Variants in TMEM178B observed in about 807,000 individuals in gnomAD.
TMEM178B encodes the protein transmembrane protein 178B.
Under a neutral mutation model 31.0 loss-of-function variants are expected in TMEM178B, and 5 were observed. The ratio of observed to expected loss-of-function variants is 0.16; its 90% CI spans 0.08 to 0.34. The LOEUF (loss-of-function observed/expected upper bound fraction) is 0.34, where lower values mean the gene tolerates loss of function less well. Among genes scored for constraint, TMEM178B ranks in the 10% least tolerant of loss-of-function variants. The probability of loss-of-function intolerance (pLI) is 1.00; values close to 1 mark genes in which losing one functional copy is unlikely to be tolerated. For missense variants in TMEM178B, 275 were observed against 400.3 expected, an observed-to-expected ratio of 0.69 and a Z score of 2.67; for synonymous variants, 164 against 164.0, an observed-to-expected ratio of 1.00 and a Z score of 0.00.
At chr7:141,207,131 A>G (rs1426226482) in intron 1 of TMEM178B, among the ~76,000 whole-genome samples, 1 of 152,202 alleles carries the variant, frequency 6.6e-6, no homozygotes, top group Non-Finnish European at 1.5e-5. Context: ...TTAAAGACCG[A>G]TTATATGGCA....
At chr7:141,214,516 A>AT (rs1210972382) in intron 2 of TMEM178B, among the ~76,000 whole-genome samples, 3 of 152,190 alleles carry the variant, frequency 2.0e-5, no homozygotes, top group Admixed American at 6.5e-5. Flanking sequence ...TAATTTGGAA[A>AT]TTTTTTAGCA....
At chr7:141,347,209 G>A (rs116754487) in intron 2 of TMEM178B, among the ~76,000 whole-genome samples, 2 of 152,108 alleles carry the variant, frequency 1.3e-5, no homozygotes, top group South Asian at 2.1e-4. Context: ...GTGCGAGAAC[G>A]AGAACAGCCT....
intron 1 of TMEM178B, among the ~76,000 whole-genome samples, chr7:141,115,147 A>T (rs1795298078): frequency 6.6e-6 from 1 of 152,032 alleles, no homozygotes; most frequent in East Asian, 1.9e-4. Flanking sequence ...GGTTCAAGTG[A>T]TTCTCCTGCC....
chr7:141,239,509 A>G (rs975089189), intron 2 of TMEM178B, among the ~76,000 whole-genome samples: 1 of 152,058 alleles, frequency 6.6e-6, no homozygotes, highest in Non-Finnish European at 1.5e-5. Flanking sequence ...AAAGGGTCAT[A>G]CCTTAGGTGA....
intron 1 of TMEM178B, among the ~76,000 whole-genome samples, chr7:141,186,890 A>G (rs1223559554): frequency 2.0e-5 from 3 of 152,204 alleles, no homozygotes; most frequent in Non-Finnish European, 4.4e-5. Flanking sequence ...TGTGGATGGC[A>G]CAGAGCCTGT....
chr7:141,089,514 A>G (rs1033142160), intron 1 of TMEM178B, among the ~76,000 whole-genome samples: 3 of 152,232 alleles, frequency 2.0e-5, no homozygotes, highest in African/African-American at 7.2e-5. Context: ...TACTGGGTAT[A>G]TACCCAAAGG....
intron 1 of TMEM178B, among the ~76,000 whole-genome samples, chr7:141,174,142 G>A (rs1469621206): frequency 1.3e-5 from 2 of 152,026 alleles, no homozygotes; most frequent in Admixed American, 1.3e-4. Flanking sequence ...GCCCCAGTGT[G>A]TGACGTTCCC....
In TMEM178B at chr7:141,344,509, T is replaced by C. The variant is rs755102540; in HGVS notation, c.497-93099T>C. On this transcript the variant is annotated intron_variant, in intron 2 of 3. Transcript: ENST00000565468. This position sits in a 1 kb window ranked among gnomAD's most constrained non-coding sequence, Gnocchi z 4.1. ...TTTTACTTTGAAATTTTTAAAAATG[T>C]AATTTTAAGACTTTTTAAAGCTGGG... 1.1e-4 allele frequency among the ~76,000 whole-genome samples: 16 copies of C among 152,200 alleles called. No homozygotes were observed. The highest frequency in any genetic ancestry group is 1.9e-4 in the Non-Finnish European group (13 of 68,026).
At chr7:141,304,272 A>G (rs955112247) in intron 2 of TMEM178B, among the ~76,000 whole-genome samples, 2 of 152,094 alleles carry the variant, frequency 1.3e-5, no homozygotes, top group East Asian at 1.9e-4. Context: ...AGATGGAGGT[A>G]GAGGAGAATG....
chr7:141,294,077 A>C (rs1798590954), intron 2 of TMEM178B, among the ~76,000 whole-genome samples: 1 of 152,128 alleles, frequency 6.6e-6, no homozygotes, highest in Admixed American at 6.5e-5. Flanking sequence ...TTGAGTCCCA[A>C]GTTTGCCACT....
chr7:141,167,033 A>G (rs1261428937), intron 1 of TMEM178B, among the ~76,000 whole-genome samples: 1 of 152,214 alleles, frequency 6.6e-6, no homozygotes, highest in Non-Finnish European at 1.5e-5. Flanking sequence ...AATGTTAAAG[A>G]TCATAGCCAG....
chr7:141,423,105 T>G (rs1403325584), intron 2 of TMEM178B, among the ~76,000 whole-genome samples: 1 of 152,244 alleles, frequency 6.6e-6, no homozygotes, highest in African/African-American at 2.4e-5. Context: ...AGTGGCGTGA[T>G]CTCGGCTCAC....
At chr7:141,099,819 G>A (rs1442911537) in intron 1 of TMEM178B, among the ~76,000 whole-genome samples, 1 of 139,568 alleles carries the variant, frequency 7.2e-6, no homozygotes, top group Non-Finnish European at 1.5e-5. Context: ...TCTGTAAAAT[G>A]AAAACGGTGT....
At chr7:141,301,871 G>A (rs916540467) in intron 2 of TMEM178B, among the ~76,000 whole-genome samples, 3 of 152,172 alleles carry the variant, frequency 2.0e-5, no homozygotes, top group East Asian at 1.9e-4. Context: ...TGGAAATGAC[G>A]CAGTGAGCAC....
chr7:141,106,818 T>C (rs1323040587), intron 1 of TMEM178B, among the ~76,000 whole-genome samples: 1 of 152,254 alleles, frequency 6.6e-6, no homozygotes, highest in African/African-American at 2.4e-5. Context: ...ATTTCATATT[T>C]ATTGGGTGCT....
chr7:141,273,990 A>G (rs1002994051), intron 2 of TMEM178B, among the ~76,000 whole-genome samples: 2 of 152,238 alleles, frequency 1.3e-5, no homozygotes, highest in African/African-American at 2.4e-5. Context: ...CGGCAAACCA[A>G]CTGCTGCCTC....
At chr7:141,136,018 AAGG>A (rs1281952346) in intron 1 of TMEM178B, among the ~76,000 whole-genome samples, 11 of 152,280 alleles carry the variant, frequency 7.2e-5, no homozygotes, top group Middle Eastern at 3.4e-3. Context: ...AGAAATGAAA[AAGG>A]AGATGTCCTA....
intron 1 of TMEM178B, among the ~76,000 whole-genome samples, chr7:141,153,089 A>T (rs1015028773): frequency 6.6e-6 from 1 of 152,232 alleles, no homozygotes; most frequent in Non-Finnish European, 1.5e-5. Context: ...TGAAAGACAC[A>T]TGCTTTCGGT....
Position 141,192,111 on chromosome 7 carries a change from G to A in TMEM178B, c.383-20480G>A, listed in dbSNP as rs1796706510. ...ATCATTTCCCTTACTGATTTGAGAT[G>A]CCACTATTACTATATAGTAAATTCC... On this transcript the variant is annotated intron_variant, in intron 1 of 3. Transcript: ENST00000565468. 2.0e-5 allele frequency among the ~76,000 whole-genome samples: 3 copies of A among 152,274 alleles called. No individual in the cohort carries two copies. In the South Asian group the frequency reaches 6.2e-4, roughly 32 times the overall value.
Sources: allele counts gnomAD v4.1 joint callset (sites outside exome capture counted in the v4.1 genomes callset), GRCh38; gene constraint gnomAD v4.1.1; non-coding constraint Gnocchi (gnomAD v3.1); transcripts MANE v1.5; gene names NCBI Gene and HGNC (gene_info 2026-07-23, HGNC 2026-07-21).